USP4: variants seen among roughly 807,000 people sequenced by gnomAD.
USP4 encodes ubiquitin specific peptidase 4, also known as ubiquitin carboxyl-terminal hydrolase 4.
Under a neutral mutation model 118.2 loss-of-function variants are expected in USP4, and 72 were observed. That is an observed-to-expected ratio of 0.61 (90% CI 0.50 to 0.74). The LOEUF is 0.74. Among genes scored for constraint, USP4 ranks in the 30% least tolerant of loss-of-function variants. The pLI, the probability that USP4 is intolerant of heterozygous loss-of-function variation, is 0.00. For synonymous variants in USP4, 415 were observed against 440.4 expected, an observed-to-expected ratio of 0.94 and a Z score of 0.72; for missense variants, 1,037 against 1,185.7, an observed-to-expected ratio of 0.87 and a Z score of 1.84.
At chr3:49,292,099 G>A (rs985507950) in intron 15 of USP4, among the ~76,000 whole-genome samples, 1 of 151,882 alleles carries the variant, frequency 6.6e-6, no homozygotes, top group Non-Finnish European at 1.5e-5. Flanking sequence ...GAGCCACCAC[G>A]CCCGGCCAAC....
At chr3:49,279,915 G>A (rs2046999909) in intron 20 of USP4, among the ~76,000 whole-genome samples, 1 of 152,170 alleles carries the variant, frequency 6.6e-6, no homozygotes, top group Admixed American at 6.5e-5. Context: ...TGAGAAAACT[G>A]AGGATGAGAA....
Position 49,283,238 on chromosome 3 carries a change from T to A in USP4, c.2540+749A>T, listed in dbSNP as rs545924649. On this transcript the variant is annotated intron_variant, in intron 19 of 21. Transcript: ENST00000265560. ...ACCATGTTGGCCAGGATGGTCTCGATCTCCAGACCTTGTGATCTGCCCACC... is the reference window on the plus strand; with the variant it reads ...ACCATGTTGGCCAGGATGGTCTCGAACTCCAGACCTTGTGATCTGCCCACC... Among the ~76,000 whole-genome samples, 1,214 of 151,610 alleles carry A rather than the reference T, an allele frequency of 8.0e-3. 18 individuals carry two copies. The highest frequency in any genetic ancestry group is 0.026 in the African/African-American group (1,080 of 41,240).
At chr3:49,338,044 C>CAAAA (rs57186354) in intron 1 of USP4, among the ~76,000 whole-genome samples, 2 of 52,080 alleles carry the variant, frequency 3.8e-5, no homozygotes, top group Non-Finnish European at 6.5e-5. Flanking sequence ...GACTTCGTCT[C>CAAAA]AAAAAAAAAA....
At chr3:49,332,727 T>A (rs994711779) in intron 2 of USP4, among the ~76,000 whole-genome samples, 2 of 151,116 alleles carry the variant, frequency 1.3e-5, no homozygotes, top group Admixed American at 6.6e-5. Flanking sequence ...AAAAATAAAA[T>A]AAAATAAAAC....
At chr3:49,289,917 G>A (rs1172459954) in intron 15 of USP4, among the ~76,000 whole-genome samples, 1 of 152,014 alleles carries the variant, frequency 6.6e-6, no homozygotes, top group African/African-American at 2.4e-5. Flanking sequence ...ACCAGCCTGG[G>A]GAACATGGGA....
chr3:49,303,504 C>T (rs940459112), intron 9 of USP4, among the ~76,000 whole-genome samples: 2 of 149,658 alleles, frequency 1.3e-5, no homozygotes, highest in Non-Finnish European at 3.0e-5. Context: ...AATACCATAG[C>T]CACTAGCCAC....
chr3:49,309,927 C>T (rs1257821247), intron 8 of USP4, among the ~76,000 whole-genome samples: 3 of 62,726 alleles, frequency 4.8e-5, no homozygotes, highest in Non-Finnish European at 6.2e-5. Flanking sequence ...GTGCTGCCCC[C>T]GGACTTTTTT....
At position 49,325,668 on chromosome 3, in the gene USP4, A is replaced by G. The variant is rs371460700; in HGVS notation, c.487+51T>C. The stretch of plus-strand genomic sequence containing the variant: ...GCCCTCTTCCCTCCCATCAGCCACA[A>G]TGTCCTACACTCTCTCACCACATAC... On this transcript the variant is annotated intron_variant, in intron 4 of 21. Transcript: ENST00000265560. 1.7e-5 allele frequency: 27 copies of G among 1,596,742 alleles called. 1 individual carries two copies. The South Asian group carries it at 2.9e-4, about 17-fold the overall frequency.
At chr3:49,312,561 A>G in intron 6 of USP4, 1 of 450,818 alleles carries the variant, frequency 2.2e-6, no homozygotes, top group Non-Finnish European at 4.5e-6. Context: ...CAGAAGTTGC[A>G]GTGAGCCAAG....
intron 19 of USP4, among the ~76,000 whole-genome samples, chr3:49,281,491 TACACAC>T (rs71077782): frequency 0.012 from 1,560 of 126,494 alleles, 35 homozygotes; most frequent in Admixed American, 0.055. Flanking sequence ...TATATATATA[TACACAC>T]ACACACACAC....
At chr3:49,287,692 C>T (rs897578531) in intron 15 of USP4, among the ~76,000 whole-genome samples, 2 of 152,126 alleles carry the variant, frequency 1.3e-5, no homozygotes, top group South Asian at 2.1e-4. Flanking sequence ...AAGCAGGTCT[C>T]GAACTCCAGC....
At chr3:49,310,888 C>T (rs1298845894) in intron 7 of USP4, 151 bp from the exon 8 acceptor site, 5 of 625,042 alleles carry the variant, frequency 8.0e-6, no homozygotes, top group South Asian at 2.0e-5. Flanking sequence ...GCCCTCCAGA[C>T]CTGCCCCACC....
At chr3:49,293,964 T>C (rs1418695121) in intron 14 of USP4, among the ~76,000 whole-genome samples, 1 of 150,484 alleles carries the variant, frequency 6.6e-6, no homozygotes, top group Non-Finnish European at 1.5e-5. Flanking sequence ...ATCCAGGGGC[T>C]GGCACAAGTG....
intron 1 of USP4, among the ~76,000 whole-genome samples, chr3:49,338,340 G>A (rs1189625310): frequency 6.6e-6 from 1 of 151,824 alleles, no homozygotes; most frequent in Non-Finnish European, 1.5e-5. Flanking sequence ...TATTCTTTAT[G>A]AACCCTATAG....
rs28487997 is a variant in USP4 at position 49,306,210 on chromosome 3, G to T, written c.955-322C>A. Among the ~76,000 whole-genome samples the T allele has an allele frequency of 4.6e-3, 627 of 137,294 alleles. 3 individuals are homozygous for T. Among genetic ancestry groups the T allele is most frequent in the African/African-American group, 0.013 (481 of 37,432 alleles). The allele number at this position is 137,294 out of a possible 152,430, so 90.1% of individuals were successfully genotyped here. A position where few individuals can be genotyped will look rare whatever the true frequency, so the allele number is the denominator to read the frequency against. On this transcript the variant is annotated intron_variant, in intron 8 of 21. Transcript: ENST00000265560. ...TTTAATGAAAAAAGTGTTTTTTTTT[G>T]TTTTTTTTTTTTTTGAGACAGTTTC...
chr3:49,290,283 G>A (rs955123853), intron 15 of USP4, among the ~76,000 whole-genome samples: 4 of 152,058 alleles, frequency 2.6e-5, no homozygotes, highest in East Asian at 1.9e-4. Context: ...GTGTGGTGGC[G>A]CACACCTATA....
At chr3:49,283,089 C>T (rs2047054116) in intron 19 of USP4, among the ~76,000 whole-genome samples, 1 of 140,302 alleles carries the variant, frequency 7.1e-6, no homozygotes, top group Non-Finnish European at 1.5e-5. Flanking sequence ...AATCTTGGCT[C>T]ACTGCAACTT....
At chr3:49,325,064 T>TG in intron 4 of USP4, 25 bp from the exon 5 acceptor site, 1 of 1,607,452 alleles carries the variant, frequency 6.2e-7, no homozygotes, top group Non-Finnish European at 8.5e-7. Flanking sequence ...AAATATCACT[T>TG]GGGGCTTTGT....
chr3:49,325,379 A>C (rs991666061), intron 4 of USP4, among the ~76,000 whole-genome samples: 3 of 151,978 alleles, frequency 2.0e-5, no homozygotes, highest in Non-Finnish European at 4.4e-5. Context: ...TTTAAGAGAC[A>C]GGATCTTGCT....
Sources: allele counts gnomAD v4.1 joint callset (sites outside exome capture counted in the v4.1 genomes callset), GRCh38; gene constraint gnomAD v4.1.1; transcripts MANE v1.5; gene names NCBI Gene and HGNC (gene_info 2026-07-23, HGNC 2026-07-21).